ORC1: variants seen among roughly 807,000 people sequenced by gnomAD.
ORC1 encodes origin recognition complex subunit 1.
A neutral mutation model predicts 98.9 loss-of-function variants in ORC1; 61 were observed. That is an observed-to-expected ratio of 0.62 (90% CI 0.50 to 0.76). The LOEUF is 0.76. Among genes scored for constraint, ORC1 ranks in the 30% least tolerant of loss-of-function variants. The probability of loss-of-function intolerance (pLI) is 0.00; values close to 1 mark genes in which losing one functional copy is unlikely to be tolerated. For synonymous variants in ORC1, 385 were observed against 406.9 expected (o/e 0.95, Z 0.65); for missense variants, 979 against 1,072.2 (o/e 0.91, Z 1.21).
intron 2 of ORC1, 134 bp downstream of exon 2, chr1:52,401,995 C>A: frequency 1.3e-6 from 1 of 765,070 alleles, no homozygotes; most frequent in Admixed American, 2.0e-5. Flanking sequence ...TCAAACAAAA[C>A]CCTCCTTACA....
chr1:52,381,738 C>A lies in ORC1; in HGVS notation c.2037G>T (p.Gln679His), dbSNP rs1027041369. Residue 679 changes from glutamine (Q) to histidine (H), a missense_variant, in exon 14 of 17, where the codon CAG (glutamine) becomes CAT (histidine). Gln to His is a conservative substitution (Grantham distance 24). Transcript: ENST00000371568. Reference sequence around the variant, plus strand: ...GCTGCAGCTGGCTATATGTATAGGGCTGGAAGCACATCCTGGTAAGACCCT... The same window carrying A: ...GCTGCAGCTGGCTATATGTATAGGGATGGAAGCACATCCTGGTAAGACCCT... ...SRLGLTRMCF[Q>H]PYTYSQLQQI... The A allele has an allele frequency of 6.2e-7, 1 of 1,613,472 alleles. No homozygotes were observed. The highest frequency in any genetic ancestry group is 1.7e-5 in the Admixed American group (1 of 59,984).
chr1:52,377,331 G>A (rs1199704676), intron 14 of ORC1, among the ~76,000 whole-genome samples: 1 of 152,112 alleles, frequency 6.6e-6, no homozygotes, highest in African/African-American at 2.4e-5. Flanking sequence ...CTGGAGTGCA[G>A]TGGCATGATC....
At chr1:52,379,927 G>A (rs372281164) in intron 14 of ORC1, among the ~76,000 whole-genome samples, 1 of 151,928 alleles carries the variant, frequency 6.6e-6, no homozygotes. Flanking sequence ...GTGAGACTCC[G>A]TCTCAAAACA....
chr1:52,393,646 T>C lies in ORC1; in HGVS notation c.879A>G (p.Pro293=). The C allele has an allele frequency of 6.2e-7, 1 of 1,614,166 alleles. No individual in the cohort carries two copies. The highest frequency in any genetic ancestry group is 8.5e-7 in the Non-Finnish European group (1 of 1,180,020). Residue 293 remains proline, a synonymous_variant, in exon 6 of 17, where the codon CCA becomes CCG. Coordinates refer to ENST00000371568, the MANE Select transcript of ORC1 (RefSeq NM_004153.4). ...LQTLSPALKA[P]EKTRETGLSY... is the part of the protein sequence containing the mutation. ...AGAGTCCAGTCTCTCTGGTTTTCTC[T>C]GGGGCTTTCAGAGCTGGAGACAAGG...
At chr1:52,398,033 G>C (rs1647503029) in intron 3 of ORC1, among the ~76,000 whole-genome samples, 170 bp from the exon 4 acceptor site, 1 of 151,980 alleles carries the variant, frequency 6.6e-6, no homozygotes, top group Non-Finnish European at 1.5e-5. Context: ...GCCCCATCTT[G>C]GCTCACTGCA....
At chr1:52,393,294 G>A in intron 6 of ORC1, 149 bp downstream of exon 6, 1 of 986,312 alleles carries the variant, frequency 1.0e-6, no homozygotes. Flanking sequence ...TGTGGGAAGA[G>A]GCCTAGAAAT....
upstream of ORC1, chr1:52,408,612 A>C: frequency 6.2e-7 from 1 of 1,614,240 alleles, no homozygotes. Flanking sequence ...GCTGACAGGC[A>C]CTGCAATTGA....
In ORC1 at chr1:52,384,733, G is replaced by A. The variant is rs748276898; in HGVS notation, c.1584-12C>T. 20 of 1,611,606 alleles carry A rather than the reference G, an allele frequency of 1.2e-5. No homozygotes were observed. In the Middle Eastern group the frequency reaches 8.6e-4, roughly 69 times the overall value. On this transcript the variant is annotated splice_polypyrimidine_tract_variant and intron_variant, in intron 10 of 16. Transcript: ENST00000371568. ...AGATGTACATGCACCTAGAGCAAGAGAGGAAAACCCGTGGGGTAGGTCTCA... is the reference window on the plus strand; with the variant it reads ...AGATGTACATGCACCTAGAGCAAGAAAGGAAAACCCGTGGGGTAGGTCTCA...
intron 12 of ORC1, 80 bp downstream of exon 12, chr1:52,383,750 G>A: frequency 1.5e-6 from 2 of 1,361,814 alleles, no homozygotes; most frequent in Non-Finnish European, 2.1e-6. Context: ...AAGGGAGCCA[G>A]GACTTTCCTC....
At chr1:52,376,796 T>C (rs1427837033) in intron 14 of ORC1, among the ~76,000 whole-genome samples, 1 of 152,098 alleles carries the variant, frequency 6.6e-6, no homozygotes, top group Admixed American at 6.6e-5. Context: ...GGCAACCCTA[T>C]GCATCCCTTC....
chr1:52,385,202 GA>G lies in ORC1; in HGVS notation c.1541del (p.Ile514ThrfsTer34). ...GGAGTTTGCTTTCCACAAAATTGTA[GA>G]TGTCTTGGAATTCCTGTTCCCGACA... is the stretch of plus-strand genomic sequence containing the variant. ...LPCREQEFQD[I>X]YNFVESKLLD... On this transcript the variant is annotated frameshift_variant, in exon 10 of 17. Transcript: ENST00000371568. LOFTEE classifies it high-confidence loss of function. 1 of 1,614,012 alleles carries G rather than the reference GA, an allele frequency of 6.2e-7. No homozygotes were observed. Among genetic ancestry groups the G allele is most frequent in the Middle Eastern group, 1.6e-4 (1 of 6,062 alleles).
Position 52,384,601 on chromosome 1 carries a change from G to T in ORC1, c.1704C>A (p.Val568=). The T allele has an allele frequency of 6.2e-7, 1 of 1,614,064 alleles. No individual in the cohort carries two copies. The highest frequency in any genetic ancestry group is 8.5e-7 in the Non-Finnish European group (1 of 1,179,992). ...GGGGCTCCGTCAGCTTCATGCCATT[G>T]ACCTCAATGTATTGAAAGGGAGGAA... The part of the protein sequence containing the change: ...NDVPPFQYIE[V]NGMKLTEPHQ... The change falls in exon 11 of 17, where the codon GTC becomes GTA. Residue 568 remains valine (V), a synonymous_variant. Transcript: ENST00000371568.
chr1:52,384,038 T>G, intron 11 of ORC1, 101 bp from the exon 12 acceptor site: 1 of 894,964 alleles, frequency 1.1e-6, no homozygotes, highest in Non-Finnish European at 1.9e-6. Flanking sequence ...ACCTGAGGAC[T>G]TCGGTATCCT....
intron 14 of ORC1, among the ~76,000 whole-genome samples, chr1:52,375,926 T>C (rs1646989889): frequency 6.6e-6 from 1 of 152,120 alleles, no homozygotes; most frequent in Non-Finnish European, 1.5e-5. Context: ...ACTCCTTGCA[T>C]AGAGACAGAC....
At chr1:52,376,178 C>T (rs1009564631) in intron 14 of ORC1, among the ~76,000 whole-genome samples, 6 of 152,098 alleles carry the variant, frequency 3.9e-5, no homozygotes, top group African/African-American at 1.4e-4. Context: ...TTGAGACCAG[C>T]CTGGCCAACA....
At chr1:52,398,971 T>G (rs185704430) in intron 3 of ORC1, among the ~76,000 whole-genome samples, 1 of 152,214 alleles carries the variant, frequency 6.6e-6, no homozygotes, top group Non-Finnish European at 1.5e-5. Context: ...CGGGGGACCT[T>G]AAAGAGTTTG....
chr1:52,378,131 G>A (rs1647017840), intron 14 of ORC1, among the ~76,000 whole-genome samples: 1 of 152,176 alleles, frequency 6.6e-6, no homozygotes, highest in Admixed American at 6.5e-5. Context: ...CAGATCACGA[G>A]GTCAGGAGAT....
upstream of ORC1, among the ~76,000 whole-genome samples, chr1:52,405,313 G>C (rs917883573): frequency 6.6e-6 from 1 of 152,208 alleles, no homozygotes; most frequent in African/African-American, 2.4e-5. Context: ...AAGTCTTCCA[G>C]GTAATCTTCC....
chr1:52,392,111 G>A (rs1030721588), intron 6 of ORC1, among the ~76,000 whole-genome samples: 1 of 151,888 alleles, frequency 6.6e-6, no homozygotes, highest in Non-Finnish European at 1.5e-5. Flanking sequence ...AGATGTTGGT[G>A]TGGATGTGGT....
Sources: gnomAD v4.1 joint callset for allele counts (sites outside exome capture counted in the v4.1 genomes callset) on GRCh38, gnomAD v4.1.1 for gene constraint, MANE v1.5 for transcripts, NCBI Gene and HGNC (gene_info 2026-07-23, HGNC 2026-07-21) for gene names.